The following FOXK2 variants were observed in gnomAD, a reference collection of about 807,000 sequenced individuals.
FOXK2 encodes the protein forkhead box K2.
A neutral mutation model predicts 53.3 loss-of-function variants in FOXK2; 24 were observed. The observed-to-expected ratio is 0.45, with a 90% CI of 0.33 to 0.63. The LOEUF (loss-of-function observed/expected upper bound fraction) is 0.63, where lower values mean the gene tolerates loss of function less well. Among genes scored for constraint, FOXK2 ranks in the 30% least tolerant of loss-of-function variants. FOXK2 has a pLI of 0.03. For synonymous variants in FOXK2, 505 were observed against 407.1 expected (o/e 1.24, Z -2.89); for missense variants, 952 against 910.5 (o/e 1.05, Z -0.59).
intron 1 of FOXK2, among the ~76,000 whole-genome samples, chr17:82,558,201 A>C (rs1297494161): frequency 1.3e-5 from 2 of 152,090 alleles, no homozygotes; most frequent in Middle Eastern, 3.2e-3. Flanking sequence ...TTAGCTGAAC[A>C]TGGTGGCGTG....
intron 1 of FOXK2, among the ~76,000 whole-genome samples, chr17:82,522,225 C>A (rs898698317): frequency 4.0e-5 from 6 of 151,768 alleles, no homozygotes; most frequent in Admixed American, 3.9e-4. Flanking sequence ...TGGGCACAAG[C>A]GATCCTCCTG....
At position 82,587,098 on chromosome 17, in the gene FOXK2, A is replaced by G. The variant is rs369941371; in HGVS notation, c.1612A>G (p.Thr538Ala). The change falls in exon 8 of 9, where the codon ACG becomes GCG. Residue 538 changes from threonine (T) to alanine (A), a missense_variant. By Grantham distance (58) the Thr-to-Ala change is moderately conservative. Transcript: ENST00000335255. ...VEPIPAIGHA[T>A]LGTASRIIQT... ...GCCTATTCCCGCCATTGGCCACGCC[A>G]CGCTCGGCACTGCCAGCCGGATCAT... The G allele has an allele frequency of 2.2e-5, 36 of 1,612,798 alleles. No homozygotes were observed. Among genetic ancestry groups the G allele is most frequent in the Middle Eastern group, 3.3e-4 (2 of 6,084 alleles).
chr17:82,537,405 TG>T (rs2044530753), intron 1 of FOXK2, among the ~76,000 whole-genome samples: 2 of 151,708 alleles, frequency 1.3e-5, no homozygotes, highest in South Asian at 4.2e-4. Context: ...CCCAGCACTT[TG>T]GGAGGCTGAG....
intron 1 of FOXK2, among the ~76,000 whole-genome samples, chr17:82,556,312 C>T (rs997608729): frequency 3.4e-4 from 51 of 152,004 alleles, no homozygotes; most frequent in Non-Finnish European, 6.0e-4. Context: ...GGCATGGTGG[C>T]GGGCGCCTGT....
intron 1 of FOXK2, among the ~76,000 whole-genome samples, chr17:82,535,175 C>T (rs7350924): frequency 0.14 from 20,580 of 152,228 alleles, 1,935 homozygotes; most frequent in East Asian, 0.37. Context: ...CCACCGTGCC[C>T]GGCCTTGGCC....
intron 1 of FOXK2, among the ~76,000 whole-genome samples, chr17:82,536,148 G>A (rs2044518564): frequency 6.6e-6 from 1 of 152,172 alleles, no homozygotes; most frequent in African/African-American, 2.4e-5. Flanking sequence ...CAAGTGCTGG[G>A]ATTACAGGTG....
At chr17:82,565,009 C>T (rs1454269214) in intron 2 of FOXK2, among the ~76,000 whole-genome samples, 1 of 152,076 alleles carries the variant, frequency 6.6e-6, no homozygotes, top group Non-Finnish European at 1.5e-5. Context: ...GGATTACAGG[C>T]GTGAGCCACC....
Position 82,601,607 on chromosome 17 carries a change from C to G in FOXK2, c.*108C>G, listed in dbSNP as rs2045386929. 3.4e-6 allele frequency: 4 copies of G among 1,186,756 alleles called. No homozygotes were observed. Among genetic ancestry groups the G allele is most frequent in the African/African-American group, 3.1e-5 (2 of 65,024 alleles). 73.5% of individuals were successfully genotyped at this position (1,186,756 alleles called of 1,614,324 possible). On this transcript the variant is annotated 3_prime_UTR_variant, in exon 9 of 9. Coordinates refer to ENST00000335255, the MANE Select transcript of FOXK2 (RefSeq NM_004514.4). ...AGGGCCCTGTGGTTGGACTTCACCT[C>G]TCAGCACTGAAAACCCAAAACCCAG... is the stretch of plus-strand genomic sequence containing the variant.
chr17:82,551,555 C>T (rs1329836680), intron 1 of FOXK2, among the ~76,000 whole-genome samples: 1 of 152,000 alleles, frequency 6.6e-6, no homozygotes, highest in Non-Finnish European at 1.5e-5. Flanking sequence ...GGGACATGTG[C>T]TTGTAGTCTT....
At chr17:82,572,309 G>A (rs1053618286) in intron 4 of FOXK2, among the ~76,000 whole-genome samples, 9 of 152,110 alleles carry the variant, frequency 5.9e-5, no homozygotes, top group Non-Finnish European at 5.9e-5. Context: ...TTTTCAAACC[G>A]CATTTTACCA....
rs2045188443 is a variant in FOXK2, at chr17:82,587,075, C to T, written c.1589C>T (p.Pro530Leu). The change falls in exon 8 of 9, where the codon CCT becomes CTT. Residue 530 changes from proline to leucine, a missense_variant. Physicochemically the swap from Pro to Leu is moderately conservative, Grantham distance 98 (BLOSUM62 -3). This residue lies in a region of FOXK2 where 551 missense variants were observed against 385.1 expected (regional missense o/e 1.43). Transcript: ENST00000335255. ...CCTTTAATTTCAGTGAAAGTAGAGCCTATTCCCGCCATTGGCCACGCCACG... is the reference window on the plus strand; with the variant it reads ...CCTTTAATTTCAGTGAAAGTAGAGCTTATTCCCGCCATTGGCCACGCCACG... ...DHREVKVKVE[P>L]IPAIGHATLG... 1 of 1,612,668 alleles carries T rather than the reference C, an allele frequency of 6.2e-7. No individual in the cohort carries two copies. The highest frequency in any genetic ancestry group is 8.5e-7 in the Non-Finnish European group (1 of 1,179,926).
chr17:82,525,068 C>T (rs1261865932), intron 1 of FOXK2, among the ~76,000 whole-genome samples: 3 of 151,638 alleles, frequency 2.0e-5, no homozygotes, highest in Non-Finnish European at 4.4e-5. Flanking sequence ...CTCCGCCTCC[C>T]GGGTTCAAGT....
At chr17:82,536,516 C>G (rs1429624295) in intron 1 of FOXK2, among the ~76,000 whole-genome samples, 1 of 152,216 alleles carries the variant, frequency 6.6e-6, no homozygotes, top group Non-Finnish European at 1.5e-5. Context: ...TATGTAGTCA[C>G]TGAAGTCCTT....
intron 3 of FOXK2, among the ~76,000 whole-genome samples, chr17:82,570,221 CA>C (rs1288689869): frequency 5.3e-5 from 7 of 133,282 alleles, no homozygotes; most frequent in African/African-American, 8.5e-5. Flanking sequence ...GACTCTGTCT[CA>C]AAAAAAAAAG....
At chr17:82,579,888 C>T (rs1381342606) in intron 4 of FOXK2, among the ~76,000 whole-genome samples, 1 of 122,318 alleles carries the variant, frequency 8.2e-6, no homozygotes, top group Admixed American at 7.8e-5. Flanking sequence ...CCATGTCGCC[C>T]ATGAAGTAGC....
intron 8 of FOXK2, among the ~76,000 whole-genome samples, chr17:82,594,682 G>T (rs191114312): frequency 9.2e-4 from 140 of 152,318 alleles, no homozygotes; most frequent in African/African-American, 3.2e-3. Flanking sequence ...AGTGTCTGCA[G>T]ATTGGAGTAG....
chr17:82,563,751 C>G (rs6502120), intron 2 of FOXK2, among the ~76,000 whole-genome samples: 166 of 132,170 alleles, frequency 1.3e-3, no homozygotes, highest in African/African-American at 4.8e-3. Flanking sequence ...TACTCATTCC[C>G]TTTTTTTTTT....
At chr17:82,576,787 T>C in intron 4 of FOXK2, 1 of 610,572 alleles carries the variant, frequency 1.6e-6, no homozygotes, top group South Asian at 1.9e-5. Context: ...TATGGTGCTG[T>C]AATGTGGTGG....
At chr17:82,555,848 A>G (rs975102800) in intron 1 of FOXK2, among the ~76,000 whole-genome samples, 1 of 134,446 alleles carries the variant, frequency 7.4e-6, no homozygotes, top group Non-Finnish European at 1.5e-5. Context: ...AGATTGTGCC[A>G]CTGCACTCCA....
Sources: allele counts gnomAD v4.1 joint callset (sites outside exome capture counted in the v4.1 genomes callset), GRCh38; gene constraint gnomAD v4.1.1; regional missense constraint gnomAD v4.1.1; transcripts MANE v1.5; gene names NCBI Gene and HGNC (gene_info 2026-07-23, HGNC 2026-07-21).